The following SLK variants were observed in gnomAD, a reference collection of about 807,000 sequenced individuals.
SLK encodes STE20-like serine/threonine-protein kinase.
A neutral mutation model predicts 147.7 loss-of-function variants in SLK; 67 were observed. That is an observed-to-expected ratio of 0.45 (90% CI 0.37 to 0.56). SLK has a LOEUF of 0.56. Ranked by LOEUF, SLK falls within the 20% of genes least tolerant of loss-of-function variation. The pLI, the probability that SLK is intolerant of heterozygous loss-of-function variation, is 0.00. For synonymous variants in SLK, 441 were observed against 475.0 expected, an observed-to-expected ratio of 0.93 and a Z score of 0.93; for missense variants, 1,136 against 1,438.8, an observed-to-expected ratio of 0.79 and a Z score of 3.41.
chr10:104,004,309 C>T (rs972367448), intron 9 of SLK, among the ~76,000 whole-genome samples: 2 of 152,182 alleles, frequency 1.3e-5, no homozygotes, highest in African/African-American at 4.8e-5. Context: ...CTAGGATTTT[C>T]TTCTTTTTTC....
intron 11 of SLK, among the ~76,000 whole-genome samples, chr10:104,007,186 C>T (rs1844338272): frequency 6.6e-6 from 1 of 152,006 alleles, no homozygotes; most frequent in Non-Finnish European, 1.5e-5. Context: ...CAAATAAGCT[C>T]TTTGATTTAT....
At position 104,005,561 on chromosome 10, in the gene SLK, G is replaced by A; in HGVS notation, c.2350G>A (p.Glu784Lys). The A allele has an allele frequency of 6.2e-7, 1 of 1,601,694 alleles. No individual in the cohort carries two copies. Among genetic ancestry groups the A allele is most frequent in the Non-Finnish European group, 8.5e-7 (1 of 1,176,792 alleles). Residue 784 changes from glutamate to lysine, a missense_variant and splice_region_variant, in exon 10 of 19, where the codon GAA becomes AAA. Physicochemically the swap from Glu to Lys is moderately conservative, Grantham distance 56. This residue lies in a region of SLK where 516 missense variants were observed against 531.3 expected (regional missense o/e 0.97). Transcript: ENST00000369755. ...CTAACTAAAATAAAATCTCACTCAGGAAACAAGAAGACAAAAGAAAACATT... is the reference window on the plus strand; with the variant it reads ...CTAACTAAAATAAAATCTCACTCAGAAAACAAGAAGACAAAAGAAAACATT... ...TKDSGSISLQ[E>K]TRRQKKTLKK...
In SLK at chr10:104,003,252, A is replaced by G. The variant is rs748484340; in HGVS notation, c.2074A>G (p.Lys692Glu). 12 of 1,612,822 alleles carry G rather than the reference A, an allele frequency of 7.4e-6. No homozygotes were observed. In the South Asian group the frequency reaches 8.8e-5, roughly 12 times the overall value. The change falls in exon 9 of 19, where the codon AAA (lysine) becomes GAA (glutamate). Residue 692 changes from lysine to glutamate, a missense_variant. Around this residue, in one of 6 missense-constraint regions of SLK, gnomAD observed 516 missense variants for 531.3 expected, o/e 0.97. Coordinates refer to ENST00000369755, the MANE Select transcript of SLK (RefSeq NM_014720.4). ...AAAAGAAATTCCAGTGTCAATTAAA[A>G]AAGAGCCTGAAGTTACTGTAGTTTC... is the stretch of plus-strand genomic sequence containing the variant. ...EKKEIPVSIK[K>E]EPEVTVVSQP...
At chr10:104,003,678 G>A in intron 9 of SLK, 151 bp downstream of exon 9, 1 of 703,054 alleles carries the variant, frequency 1.4e-6, no homozygotes, top group East Asian at 2.8e-5. Context: ...CAATTAAAAA[G>A]AACTAAGGAG....
Position 104,018,389 on chromosome 10 carries a change from G to C in SLK, c.3007+100G>C, listed in dbSNP as rs889653008. 6 of 1,061,172 alleles carry C rather than the reference G, an allele frequency of 5.7e-6. No individual in the cohort carries two copies. In the African/African-American group the frequency reaches 9.9e-5, roughly 18 times the overall value. 65.7% of individuals were successfully genotyped at this position (1,061,172 alleles called of 1,614,324 possible). ...AACCCTTAAAATTTCTTCTTGCCCTGATGATGCTGGAAATATATCTGAATA... is the reference window on the plus strand; with the variant it reads ...AACCCTTAAAATTTCTTCTTGCCCTCATGATGCTGGAAATATATCTGAATA... On this transcript the variant is annotated intron_variant, in intron 14 of 18. Coordinates refer to ENST00000369755, the MANE Select transcript of SLK (RefSeq NM_014720.4).
chr10:103,996,484 T>C (rs959250568), intron 4 of SLK, among the ~76,000 whole-genome samples: 3 of 150,770 alleles, frequency 2.0e-5, no homozygotes, highest in Admixed American at 6.6e-5. Context: ...CTGCAAGCTC[T>C]GCCTCCCGGG....
At position 104,003,433 on chromosome 10, in the gene SLK, C is replaced by T. The variant is rs1399372426; in HGVS notation, c.2255C>T (p.Thr752Ile). Reference sequence around the variant, plus strand: ...AAGGAAAATGATAATGATTCAGGCACTGGTTCCACTGCTGATACTAGCAGT... The same window carrying T: ...AAGGAAAATGATAATGATTCAGGCATTGGTTCCACTGCTGATACTAGCAGT... The part of the protein sequence containing the change: ...NPKENDNDSG[T>I]GSTADTSSID... Residue 752 changes from threonine (T) to isoleucine (I), a missense_variant, in exon 9 of 19, where the codon ACT (threonine) becomes ATT (isoleucine). Thr to Ile is a moderately conservative substitution (Grantham distance 89). Around this residue, in one of 6 missense-constraint regions of SLK, gnomAD observed 516 missense variants for 531.3 expected, o/e 0.97. Transcript: ENST00000369755. The T allele has an allele frequency of 6.2e-7, 1 of 1,613,736 alleles. No individual in the cohort carries two copies. The highest frequency in any genetic ancestry group is 1.1e-5 in the South Asian group (1 of 91,066).
intron 1 of SLK, among the ~76,000 whole-genome samples, chr10:103,976,658 G>C (rs576160273): frequency 5.9e-5 from 9 of 151,530 alleles, no homozygotes; most frequent in Middle Eastern, 3.5e-3. Context: ...GTGAGTTTTA[G>C]TAAATCTGTA....
rs1844285443 is a variant in SLK at position 104,003,583 on chromosome 10, GT to G, written c.2349+59del. ...TCCTTTGCCATTTTCTCAATTCAGA[GT>G]TTATGTGAAATTGATGTCTTGAAAA... On this transcript the variant is annotated intron_variant, in intron 9 of 18. Transcript: ENST00000369755. 2.1e-6 allele frequency: 3 copies of G among 1,396,364 alleles called. No homozygotes were observed. The African/African-American group carries it at 4.3e-5, about 20-fold the overall frequency. 86.5% of individuals were successfully genotyped at this position (1,396,364 alleles called of 1,614,324 possible).
At chr10:104,018,721 G>T in intron 14 of SLK, 63 bp from the exon 15 acceptor site, 1 of 1,522,340 alleles carries the variant, frequency 6.6e-7, no homozygotes, top group Non-Finnish European at 8.9e-7. Context: ...ATATTAAAAT[G>T]AAGAGCAAAG....
intron 12 of SLK, among the ~76,000 whole-genome samples, chr10:104,009,998 T>C (rs17116267): frequency 0.022 from 3,312 of 152,262 alleles, 113 homozygotes; most frequent in African/African-American, 0.076. Context: ...TTTTTCATAG[T>C]TGGATTACAG....
In SLK at chr10:104,008,289, G is replaced by T. The variant is rs538854223; in HGVS notation, c.2717G>T (p.Arg906Leu). 2.8e-5 allele frequency: 45 copies of T among 1,613,718 alleles called. No individual in the cohort carries two copies. The highest frequency in any genetic ancestry group is 3.6e-5 in the Non-Finnish European group (43 of 1,179,876). Residue 906 changes from arginine (R) to leucine (L), a missense_variant, in exon 12 of 19, where the codon CGC becomes CTC. Coordinates refer to ENST00000369755, the MANE Select transcript of SLK (RefSeq NM_014720.4). ...HTNRLRDEAK[R>L]IKGEQEKELS... Reference sequence around the variant, plus strand: ...AATCGCTTGCGAGATGAAGCCAAACGCATCAAAGGAGAACAAGAGAAAGAG... The same window carrying T: ...AATCGCTTGCGAGATGAAGCCAAACTCATCAAAGGAGAACAAGAGAAAGAG...
chr10:103,979,164 C>T (rs805671), intron 1 of SLK, among the ~76,000 whole-genome samples: 32,511 of 152,046 alleles, frequency 0.21, 3,854 homozygotes, highest in African/African-American at 0.32. Flanking sequence ...TACAGGCGCC[C>T]GCCACCACAC....
chr10:103,968,691 G>A (rs1251047510), intron 1 of SLK, among the ~76,000 whole-genome samples: 2 of 152,194 alleles, frequency 1.3e-5, no homozygotes, highest in East Asian at 3.9e-4. Context: ...TTAGGGGAAG[G>A]ACCCACAGGG....
Position 103,999,766 on chromosome 10 carries a change from ATTAC to A in SLK, c.783-100_783-97del, listed in dbSNP as rs573891889. 5.6e-3 allele frequency: 3,203 copies of A among 572,116 alleles called. 43 individuals carry two copies. The highest frequency in any genetic ancestry group is 0.018 in the Middle Eastern group (39 of 2,140). The allele number at this position is 572,116 out of a possible 1,614,324, so 35.4% of individuals were successfully genotyped here. ...GTTATTTAAATGTTGAATTAATACT[ATTAC>A]ATACATAATGAAACTTAAGCATAAC... On this transcript the variant is annotated intron_variant, in intron 6 of 18. Transcript: ENST00000369755.
chr10:104,004,803 T>C (rs562517984), intron 9 of SLK, among the ~76,000 whole-genome samples: 1 of 152,342 alleles, frequency 6.6e-6, no homozygotes, highest in South Asian at 2.1e-4. Flanking sequence ...AGGAGTCTTA[T>C]ATGTCTGTTA....
At position 104,019,885 on chromosome 10, in the gene SLK, C is replaced by G. The variant is rs1844512855; in HGVS notation, c.3284C>G (p.Thr1095Arg). Residue 1095 changes from threonine to arginine, a missense_variant, in exon 16 of 19, where the codon ACA becomes AGA. By Grantham distance (71) the Thr-to-Arg change is moderately conservative. Around this residue, in one of 6 missense-constraint regions of SLK, gnomAD observed 327 missense variants for 457.5 expected, o/e 0.71. Coordinates refer to ENST00000369755, the MANE Select transcript of SLK (RefSeq NM_014720.4). ...AAGAAGAGTTTGAGAATTAACTCAA[C>G]AGCCACACCAGATCAGGACCGTGAT... is the stretch of plus-strand genomic sequence containing the variant. Reference protein sequence around the residue: ...MFKKSLRINSTATPDQDRDKI... With the variant: ...MFKKSLRINSRATPDQDRDKI... 1 of 1,614,092 alleles carries G rather than the reference C, an allele frequency of 6.2e-7. No homozygotes were observed. The highest frequency in any genetic ancestry group is 8.5e-7 in the Non-Finnish European group (1 of 1,179,924).
intron 13 of SLK, among the ~76,000 whole-genome samples, chr10:104,012,217 A>T (rs527953771): frequency 3.3e-4 from 51 of 152,312 alleles, no homozygotes; most frequent in African/African-American, 1.0e-3. Flanking sequence ...ATTTTTTTTT[A>T]AATTTTGCTA....
intron 1 of SLK, among the ~76,000 whole-genome samples, chr10:103,982,332 CTG>C (rs1001993942): frequency 1.3e-5 from 2 of 152,154 alleles, no homozygotes; most frequent in Admixed American, 6.5e-5. Context: ...AGCAGGAAAA[CTG>C]TGTGATCTGA....
Sources: allele counts gnomAD v4.1 joint callset (sites outside exome capture counted in the v4.1 genomes callset), GRCh38; gene constraint gnomAD v4.1.1; regional missense constraint gnomAD v4.1.1; transcripts MANE v1.5; gene names NCBI Gene and HGNC (gene_info 2026-07-23, HGNC 2026-07-21).